The following PLAC1 variants were observed in gnomAD, a reference collection of about 807,000 sequenced individuals.
The protein encoded by PLAC1 is placenta associated 1.
For missense variants in PLAC1, 136 were observed against 163.2 expected (o/e 0.83, Z 0.91); for synonymous variants, 68 against 62.1 (o/e 1.09, Z -0.44).
rs1003914302 is a variant in PLAC1 at position 134,708,260 on chromosome X, A to C, written n.174+25175T>G. 4.5e-5 allele frequency among the ~76,000 whole-genome samples: 5 copies of C among 111,928 alleles called. No homozygotes were observed. In the Admixed American group the frequency reaches 4.8e-4, roughly 11 times the overall value. ...AAATCAAGACATCCTCAGATGAAGG[A>C]AAACTAACAGAATTCGTCACTAGCA... On this transcript the variant is annotated intron_variant and non_coding_transcript_variant, in intron 2 of 2. Coordinates refer to the PLAC1 transcript ENST00000466797.
rs1390540572 is a variant in PLAC1 at position 134,735,916 on chromosome X, G to C, written n.90-2397C>G. 2.8e-5 allele frequency among the ~76,000 whole-genome samples: 3 copies of C among 106,576 alleles called. No individual in the cohort carries two copies. In the East Asian group the frequency reaches 8.8e-4, roughly 31 times the overall value. 92.5% of individuals were successfully genotyped at this position (106,576 alleles called of 115,157 possible). Reference sequence around the variant, plus strand: ...GGCTAAAAACAAAAAGTGGGCAGTGGGTAAGTTCAGAGCCCCCAATGTCAT... The same window carrying C: ...GGCTAAAAACAAAAAGTGGGCAGTGCGTAAGTTCAGAGCCCCCAATGTCAT... On this transcript the variant is annotated intron_variant and non_coding_transcript_variant, in intron 1 of 2. Coordinates refer to the PLAC1 transcript ENST00000466797.
intron 2 of PLAC1, among the ~76,000 whole-genome samples, chrX:134,577,517 C>T (rs1017920235): frequency 3.6e-5 from 4 of 111,385 alleles, no homozygotes; most frequent in African/African-American, 6.5e-5. Flanking sequence ...GGTGAAGCCC[C>T]GTCTCCACTA....
intron 2 of PLAC1, among the ~76,000 whole-genome samples, chrX:134,598,272 A>G (rs1449474806): frequency 8.9e-6 from 1 of 112,019 alleles, no homozygotes; most frequent in African/African-American, 3.2e-5. Flanking sequence ...GCAGAACTAT[A>G]GACTAAAGTG....
chrX:134,723,100 T>G (rs1341800048), intron 2 of PLAC1, among the ~76,000 whole-genome samples: 1 of 111,464 alleles, frequency 9.0e-6, no homozygotes. Flanking sequence ...AAATAAAAAT[T>G]TCCTTTTCAC....
At chrX:134,746,705 C>T (rs143994871) in intron 1 of PLAC1, among the ~76,000 whole-genome samples, 504 of 111,598 alleles carry the variant, frequency 4.5e-3, no homozygotes, top group Middle Eastern at 0.041. Context: ...CAGATCTCAG[C>T]GTCGAGACTG....
At chrX:134,570,780 T>C (rs2077904178) in intron 2 of PLAC1, among the ~76,000 whole-genome samples, 1 of 111,840 alleles carries the variant, frequency 8.9e-6, no homozygotes, top group African/African-American at 3.3e-5. Flanking sequence ...TAGCTTTCTG[T>C]TTTTTTGTAA....
At chrX:134,575,941 TTATCA>T (rs2077936826) in intron 2 of PLAC1, among the ~76,000 whole-genome samples, 1 of 108,435 alleles carries the variant, frequency 9.2e-6, no homozygotes, top group Admixed American at 1.0e-4. Flanking sequence ...TATAAAAGTC[TTATCA>T]TATCTAATAA....
intron 2 of PLAC1, among the ~76,000 whole-genome samples, chrX:134,719,571 C>T (rs1368017462): frequency 6.3e-5 from 7 of 111,558 alleles, no homozygotes; most frequent in African/African-American, 2.3e-4. Context: ...GGGTGGATCA[C>T]TTGAGGTCAG....
rs749953575 is a variant in PLAC1 at position 134,569,739 on chromosome X, AGTGTGTGTGTGTGTGT to A, written c.-58-3015_-58-3000del. On this transcript the variant is annotated intron_variant, in intron 2 of 2. Transcript: ENST00000359237. ...TGCAATTCCTAGGGAAGGGTAGAGTAGTGTGTGTGTGTGTGTGTGTGTGTGTGTGTGTGTGTGTGTG... is the reference window on the plus strand; with the variant it reads ...TGCAATTCCTAGGGAAGGGTAGAGTAGTGTGTGTGTGTGTGTGTGTGTGTG... 6.0e-3 allele frequency among the ~76,000 whole-genome samples: 432 copies of A among 72,165 alleles called. 2 individuals carry two copies. Among genetic ancestry groups the A allele is most frequent in the African/African-American group, 0.02 (408 of 20,180 alleles). 62.7% of individuals were successfully genotyped at this position (72,165 alleles called of 115,157 possible). A position where few individuals can be genotyped will look rare whatever the true frequency, so the allele number is the denominator to read the frequency against.
intron 2 of PLAC1, among the ~76,000 whole-genome samples, chrX:134,674,381 G>C (rs1475445599): frequency 8.9e-6 from 1 of 112,316 alleles, no homozygotes; most frequent in East Asian, 2.8e-4. Context: ...CAGCCAAAAG[G>C]TCACTCAGGA....
At chrX:134,763,974 T>C (rs762811460) in intron 1 of PLAC1, among the ~76,000 whole-genome samples, 11 of 111,950 alleles carry the variant, frequency 9.8e-5, no homozygotes, top group Non-Finnish European at 2.1e-4. Flanking sequence ...TCATACAGAC[T>C]GTTCCACACA....
intron 1 of PLAC1, among the ~76,000 whole-genome samples, chrX:134,603,963 G>A (rs752444145): frequency 8.9e-6 from 1 of 112,561 alleles, no homozygotes; most frequent in African/African-American, 3.2e-5. Flanking sequence ...AAATTCAACT[G>A]TCTCTTTTCA....
At chrX:134,742,022 G>A (rs747901337) in intron 1 of PLAC1, among the ~76,000 whole-genome samples, 1 of 111,946 alleles carries the variant, frequency 8.9e-6, no homozygotes, top group East Asian at 2.8e-4. Context: ...ACAGTCACAG[G>A]TGCAGGGGCT....
chrX:134,746,338 G>T (rs1234741329), intron 1 of PLAC1, among the ~76,000 whole-genome samples: 1 of 112,016 alleles, frequency 8.9e-6, no homozygotes, highest in Non-Finnish European at 1.9e-5. Context: ...TGGCCAGGCT[G>T]GCTGGCTGCC....
At chrX:134,716,549 G>A (rs1225227683) in intron 2 of PLAC1, among the ~76,000 whole-genome samples, 2 of 112,263 alleles carry the variant, frequency 1.8e-5, no homozygotes, top group East Asian at 2.8e-4. Context: ...GTGTTTAGGC[G>A]TGGAGCTCCC....
chrX:134,703,315 TAAAAAATAGACTGAC>T (rs1312457659), intron 2 of PLAC1, among the ~76,000 whole-genome samples: 4 of 111,340 alleles, frequency 3.6e-5, no homozygotes, highest in Admixed American at 2.9e-4. Flanking sequence ...AAACTAACAT[TAAAAAATAGACTGAC>T]AATAGATAAT....
intron 1 of PLAC1, among the ~76,000 whole-genome samples, chrX:134,625,620 C>G (rs991413463): frequency 1.8e-5 from 2 of 111,847 alleles, no homozygotes; most frequent in African/African-American, 6.5e-5. Flanking sequence ...TGAACAGTCA[C>G]TGGGGGCTCC....
At chrX:134,604,271 A>T (rs907539164) in intron 1 of PLAC1, among the ~76,000 whole-genome samples, 2 of 112,851 alleles carry the variant, frequency 1.8e-5, no homozygotes, top group Admixed American at 1.9e-4. Context: ...TAGGCATTCC[A>T]AAGTTGATCA....
chrX:134,593,462 C>T (rs765894701), intron 2 of PLAC1, among the ~76,000 whole-genome samples: 42 of 112,424 alleles, frequency 3.7e-4, no homozygotes, highest in Non-Finnish European at 6.4e-4. Context: ...GGAATTATGT[C>T]AAACATGTAT....
Sources: gnomAD v4.1 joint callset for allele counts (sites outside exome capture counted in the v4.1 genomes callset) on GRCh38, gnomAD v4.1.1 for gene constraint, MANE v1.5 for transcripts, NCBI Gene and HGNC (gene_info 2026-07-23, HGNC 2026-07-21) for gene names.